Variants in SUPT6H observed in about 807,000 individuals in gnomAD.
SUPT6H encodes the protein transcription elongation factor SPT6.
In SUPT6H, 11 loss-of-function variants were observed where a neutral mutation model predicts 222.3. The observed-to-expected ratio is 0.05, with a 90% CI of 0.03 to 0.08. The LOEUF is 0.08. Among genes scored for constraint, SUPT6H ranks in the 10% least tolerant of loss-of-function variants. SUPT6H has a pLI of 1.00. For synonymous variants in SUPT6H, 762 were observed against 801.2 expected, an observed-to-expected ratio of 0.95 and a Z score of 0.83; for missense variants, 1,422 against 2,216.0, an observed-to-expected ratio of 0.64 and a Z score of 7.19.
intron 32 of SUPT6H, among the ~76,000 whole-genome samples, chr17:28,698,757 G>A (rs1171379675): frequency 2.0e-5 from 3 of 152,248 alleles, no homozygotes; most frequent in African/African-American, 7.2e-5. Context: ...GGCTGCATTA[G>A]TAGGGGCTCA....
intron 11 of SUPT6H, among the ~76,000 whole-genome samples, chr17:28,680,488 G>A (rs1045953857): frequency 2.7e-5 from 4 of 148,640 alleles, no homozygotes; most frequent in African/African-American, 1.0e-4. Flanking sequence ...ATCCCAGCTC[G>A]CGAGGCTGAG....
chr17:28,678,534 T>C lies in SUPT6H; in HGVS notation c.1117-11T>C, dbSNP rs1597697305. 8 of 1,613,910 alleles carry C rather than the reference T, an allele frequency of 5.0e-6. No homozygotes were observed. The African/African-American group carries it at 9.3e-5, about 19-fold the overall frequency. On this transcript the variant is annotated splice_polypyrimidine_tract_variant and intron_variant, in intron 9 of 36. Coordinates refer to ENST00000314616, the MANE Select transcript of SUPT6H (RefSeq NM_003170.5). ...CTTCTCTGAGTGACTGCAGTCTCTT[T>C]GCCATCCTAGGTGCCTTTTATTGCC...
Position 28,688,253 on chromosome 17 carries a change from T to C in SUPT6H, c.3134+35T>C. On this transcript the variant is annotated intron_variant, in intron 24 of 36. Transcript: ENST00000314616. The surrounding 1 kb of genome is among the most constrained non-coding windows in gnomAD (Gnocchi z 4.3). Reference sequence around the variant, plus strand: ...TCTGCCTGGATGGGGCAGGAGGAATTCCCTTGTGGGCTTTGTTTTCGGGTT... The same window carrying C: ...TCTGCCTGGATGGGGCAGGAGGAATCCCCTTGTGGGCTTTGTTTTCGGGTT... 1 of 1,601,468 alleles carries C rather than the reference T, an allele frequency of 6.2e-7. No homozygotes were observed. The highest frequency in any genetic ancestry group is 8.5e-7 in the Non-Finnish European group (1 of 1,173,386).
chr17:28,689,120 T>C (rs1439410944), intron 24 of SUPT6H: 1 of 473,738 alleles, frequency 2.1e-6, no homozygotes, highest in African/African-American at 2.0e-5. Flanking sequence ...ACTACAAAAA[T>C]GGGATCATAT....
At position 28,678,587 on chromosome 17, in the gene SUPT6H, G is replaced by A. The variant is rs761387389; in HGVS notation, c.1159G>A (p.Glu387Lys). 6.2e-7 allele frequency: 1 copy of A among 1,614,190 alleles called. No individual in the cohort carries two copies. Among genetic ancestry groups the A allele is most frequent in the Non-Finnish European group, 8.5e-7 (1 of 1,180,030 alleles). The change falls in exon 10 of 37, where the codon GAG becomes AAG. Residue 387 changes from glutamate (E) to lysine (K), a missense_variant. By Grantham distance (56) the Glu-to-Lys change is moderately conservative. This residue lies in a region of SUPT6H where 389 missense variants were observed against 544.6 expected (regional missense o/e 0.71). Coordinates refer to ENST00000314616, the MANE Select transcript of SUPT6H (RefSeq NM_003170.5). ...CTATCGAAAGGAGTATGTGGAGCCT[G>A]AGTTGCACATCAATGACCTATGGAG... ...AFYRKEYVEP[E>K]LHINDLWRVW...
In SUPT6H at chr17:28,697,695, C is replaced by T. The variant is rs201628737; in HGVS notation, c.4285C>T (p.His1429Tyr). 5.0e-6 allele frequency: 8 copies of T among 1,614,094 alleles called. No individual in the cohort carries two copies. The highest frequency in any genetic ancestry group is 1.3e-5 in the African/African-American group (1 of 74,918). Residue 1429 changes from histidine (H) to tyrosine (Y), a missense_variant, in exon 31 of 37, where the codon CAC (histidine) becomes TAC (tyrosine). His to Tyr is a moderately conservative substitution (Grantham distance 83). Transcript: ENST00000314616. Reference sequence around the variant, plus strand: ...ATCCTTTGCCCGGGACCTTCTGAATCACAAGTATTATCAGGACTGCAGCGG... The same window carrying T: ...ATCCTTTGCCCGGGACCTTCTGAATTACAAGTATTATCAGGACTGCAGCGG... ...MASFARDLLN[H>Y]KYYQDCSGGD... is the part of the protein sequence containing the mutation.
chr17:28,695,691 T>C lies in SUPT6H; in HGVS notation c.3970+144T>C, dbSNP rs1033877055. ...GAGGTGCTAAGGCCTGGAGATGTCA[T>C]GAAAAAGTCATAGGTAGGGCTGGAA... On this transcript the variant is annotated intron_variant, in intron 29 of 36. Transcript: ENST00000314616. 1.0e-5 allele frequency: 10 copies of C among 970,212 alleles called. No homozygotes were observed. In the South Asian group the frequency reaches 1.2e-4, roughly 12 times the overall value. The allele number at this position is 970,212 out of a possible 1,614,324, so 60.1% of individuals were successfully genotyped here.
chr17:28,670,328 G>A (rs2030338823), intron 1 of SUPT6H: 2 of 152,138 alleles, frequency 1.3e-5, no homozygotes, highest in African/African-American at 2.4e-5. Context: ...TCCTTGATAG[G>A]GACATAAAAT....
At position 28,678,545 on chromosome 17, in the gene SUPT6H, G is replaced by A. The variant is rs758701972; in HGVS notation, c.1117G>A (p.Val373Met). 5.0e-6 allele frequency: 8 copies of A among 1,614,014 alleles called. No homozygotes were observed. Among genetic ancestry groups the A allele is most frequent in the African/African-American group, 1.3e-5 (1 of 74,918 alleles). The change falls in exon 10 of 37, where the codon GTG (valine) becomes ATG (methionine). Residue 373 changes from valine to methionine, a missense_variant and splice_region_variant. This residue lies in a region of SUPT6H where 389 missense variants were observed against 544.6 expected (regional missense o/e 0.71). Coordinates refer to ENST00000314616, the MANE Select transcript of SUPT6H (RefSeq NM_003170.5). Reference protein sequence around the residue: ...LGFMRNQHFEVPFIAFYRKEY... With the variant: ...LGFMRNQHFEMPFIAFYRKEY... ...GACTGCAGTCTCTTTGCCATCCTAG[G>A]TGCCTTTTATTGCCTTCTATCGAAA...
In SUPT6H at chr17:28,676,162, T is replaced by C; in HGVS notation, c.629T>C (p.Leu210Pro). The change falls in exon 7 of 37, where the codon CTG becomes CCG. Residue 210 changes from leucine to proline, a missense_variant. Physicochemically the swap from Leu to Pro is moderately conservative, Grantham distance 98. Transcript: ENST00000314616. ...CCTCTTGCTGCCACCTACAGGGCCC[T>C]GCAAGAAGCCCAGGAAATCTTCGGT... ...KKLPGYTDAA[L>P]QEAQEIFGVD... The C allele has an allele frequency of 6.3e-7, 1 of 1,589,466 alleles. No homozygotes were observed. The highest frequency in any genetic ancestry group is 1.8e-5 in the Admixed American group (1 of 56,848).
intron 1 of SUPT6H, among the ~76,000 whole-genome samples, chr17:28,670,612 G>A (rs1332343496): frequency 2.0e-5 from 3 of 152,114 alleles, no homozygotes; most frequent in Non-Finnish European, 2.9e-5. Flanking sequence ...CCGGCCAGGC[G>A]CGGTGGCTCA....
chr17:28,677,992 T>G, intron 8 of SUPT6H, 84 bp from the exon 9 acceptor site: 1 of 1,438,756 alleles, frequency 7.0e-7, no homozygotes, highest in East Asian at 2.3e-5. Flanking sequence ...TCTAGAAAGG[T>G]TATCCTTTGT....
chr17:28,668,249 A>C (rs775357325), intron 1 of SUPT6H, among the ~76,000 whole-genome samples: 2 of 152,244 alleles, frequency 1.3e-5, no homozygotes, highest in Non-Finnish European at 2.9e-5. Flanking sequence ...TTTTAAGAGC[A>C]TAAGTGCTAA....
rs771684139 is a variant in SUPT6H, at chr17:28,700,482, C to T, written c.4776C>T (p.Gly1592=). The change falls in exon 35 of 37, where the codon GGC becomes GGT. Residue 1592 remains glycine (G), a synonymous_variant. Transcript: ENST00000314616. ...GGGCCTCCAGCCAGTACGGCTATGGCGGCAGTGGAGGCGGCAGCAGTGCTT... is the reference window on the plus strand; with the variant it reads ...GGGCCTCCAGCCAGTACGGCTATGGTGGCAGTGGAGGCGGCAGCAGTGCTT... ...AQWASSQYGY[G]GSGGGSSAYH... The T allele has an allele frequency of 1.1e-5, 17 of 1,613,982 alleles. 2 individuals are homozygous for T. The East Asian group carries it at 1.1e-4, about 11-fold the overall frequency.
At chr17:28,697,844 C>CA in intron 31 of SUPT6H, 62 bp from the exon 32 acceptor site, 1 of 1,607,526 alleles carries the variant, frequency 6.2e-7, no homozygotes, top group Non-Finnish European at 8.5e-7. Context: ...ATCATGTGTG[C>CA]ACCAGACGTT....
intron 4 of SUPT6H, 91 bp downstream of exon 4, chr17:28,674,704 C>G (rs117156193): frequency 0.014 from 17,479 of 1,243,216 alleles, 170 homozygotes; most frequent in Admixed American, 0.017. Flanking sequence ...ACACGCAGGA[C>G]AGTTTGGAGA....
intron 7 of SUPT6H, among the ~76,000 whole-genome samples, chr17:28,677,110 C>T (rs1290012208): frequency 6.6e-6 from 1 of 151,350 alleles, no homozygotes; most frequent in Non-Finnish European, 1.5e-5. Flanking sequence ...CGGTGACTCA[C>T]GCCTGTAATC....
chr17:28,675,315 TG>T, intron 5 of SUPT6H, 85 bp from the exon 6 acceptor site: 1 of 1,516,616 alleles, frequency 6.6e-7, no homozygotes, highest in Non-Finnish European at 9.1e-7. Context: ...TGTTGCTCAC[TG>T]GCCACTCACA....
At chr17:28,681,712 CAAAA>C (rs541707928) in intron 12 of SUPT6H, among the ~76,000 whole-genome samples, 166 bp from the exon 13 acceptor site, 6 of 89,052 alleles carry the variant, frequency 6.7e-5, no homozygotes, top group African/African-American at 1.3e-4. Flanking sequence ...GGCTGTGTCT[CAAAA>C]AAAAAAAAAA....
Sources: allele counts gnomAD v4.1 joint callset (sites outside exome capture counted in the v4.1 genomes callset), GRCh38; gene constraint gnomAD v4.1.1; regional missense constraint gnomAD v4.1.1; non-coding constraint Gnocchi (gnomAD v3.1); transcripts MANE v1.5; gene names NCBI Gene and HGNC (gene_info 2026-07-23, HGNC 2026-07-21).